Variants in ERCC4 observed in about 807,000 individuals in gnomAD.
The protein encoded by ERCC4 is DNA repair endonuclease XPF.
ERCC4 carries 65 observed loss-of-function variants against 76.9 expected under a neutral mutation model. The ratio of observed to expected loss-of-function variants is 0.84; its 90% CI spans 0.69 to 1.04. The LOEUF (loss-of-function observed/expected upper bound fraction) is 1.04. ERCC4 is among the 50% of genes least tolerant of loss of function. The pLI is 0.00. For synonymous variants in ERCC4, 463 were observed against 410.1 expected, an observed-to-expected ratio of 1.13 and a Z score of -1.56; for missense variants, 1,214 against 1,128.2, an observed-to-expected ratio of 1.08 and a Z score of -1.09.
Position 13,935,278 on chromosome 16 carries a change from T to A in ERCC4, c.1346T>A (p.Val449Asp). The A allele has an allele frequency of 6.2e-7, 1 of 1,613,938 alleles. No individual in the cohort carries two copies. Among genetic ancestry groups the A allele is most frequent in the South Asian group, 1.1e-5 (1 of 91,072 alleles). The change falls in exon 8 of 11, where the codon GTC (valine) becomes GAC (aspartate). Residue 449 changes from valine to aspartate, a missense_variant. By Grantham distance (152) the Val-to-Asp change is radical. Transcript: ENST00000311895. Reference protein sequence around the residue: ...TFEKDSKAEEVWMKFRKEDSS... With the variant: ...TFEKDSKAEEDWMKFRKEDSS... Reference sequence around the variant, plus strand: ...GAGAAGGATAGCAAAGCTGAAGAAGTCTGGATGAAATTTAGGAAGGAAGAC... The same window carrying A: ...GAGAAGGATAGCAAAGCTGAAGAAGACTGGATGAAATTTAGGAAGGAAGAC...
At chr16:13,932,464 A>G (rs549692689) in intron 6 of ERCC4, 179 bp downstream of exon 6, 32 of 637,000 alleles carry the variant, frequency 5.0e-5, no homozygotes, top group East Asian at 4.3e-4. Context: ...TGTAAAGTAT[A>G]TGTGTAATGT....
Position 13,947,600 on chromosome 16 carries a change from C to G in ERCC4, c.2018-14C>G, listed in dbSNP as rs775219852. 1 of 1,614,056 alleles carries G rather than the reference C, an allele frequency of 6.2e-7. No individual in the cohort carries two copies. Among genetic ancestry groups the G allele is most frequent in the Non-Finnish European group, 8.5e-7 (1 of 1,179,940 alleles). On this transcript the variant is annotated splice_polypyrimidine_tract_variant and intron_variant, in intron 10 of 10. Transcript: ENST00000311895. ...AGTTCTTCCCCAGTGACATTACTTA[C>G]TTTTTCTCTGTAGGTGGCCAGGAAC...
At chr16:13,940,917 G>A (rs2032401202) in intron 9 of ERCC4, among the ~76,000 whole-genome samples, 1 of 152,172 alleles carries the variant, frequency 6.6e-6, no homozygotes, top group Admixed American at 6.5e-5. Context: ...AGAGCCAGAG[G>A]AGCCTGATAG....
Position 13,932,137 on chromosome 16 carries a change from C to G in ERCC4, c.974-20C>G, listed in dbSNP as rs1567245864. ...TAACCATAAATTGATGGCACTTTTTCTTTTAACTTTTCGTATTAGGTTGGC... is the reference window on the plus strand; with the variant it reads ...TAACCATAAATTGATGGCACTTTTTGTTTTAACTTTTCGTATTAGGTTGGC... On this transcript the variant is annotated intron_variant, in intron 5 of 10. Coordinates refer to ENST00000311895, the MANE Select transcript of ERCC4 (RefSeq NM_005236.3). 3.1e-6 allele frequency: 5 copies of G among 1,609,218 alleles called. No homozygotes were observed.
intron 2 of ERCC4, among the ~76,000 whole-genome samples, chr16:13,922,847 A>G (rs1596618626): frequency 6.6e-6 from 1 of 152,352 alleles, no homozygotes; most frequent in South Asian, 2.1e-4. Context: ...TGCTCAGTAA[A>G]TATCTGTGAC....
chr16:13,935,482 A>G lies in ERCC4; in HGVS notation c.1550A>G (p.Glu517Gly). The G allele has an allele frequency of 1.2e-6, 2 of 1,614,218 alleles. No homozygotes were observed. The highest frequency in any genetic ancestry group is 1.7e-6 in the Non-Finnish European group (2 of 1,180,036). The change falls in exon 8 of 11, where the codon GAA becomes GGA. Residue 517 changes from glutamate (E) to glycine (G), a missense_variant. By Grantham distance (98) the Glu-to-Gly change is moderately conservative (BLOSUM62 -2). Coordinates refer to ENST00000311895, the MANE Select transcript of ERCC4 (RefSeq NM_005236.3). ...GATGTCGAGGAAGGATATCGTCGAG[A>G]AATAAGCAGTAGCCCAGAAAGCTGC... ...EGDVEEGYRREISSSPESCPE... is the reference protein window; with the variant it reads ...EGDVEEGYRRGISSSPESCPE...
chr16:13,945,868 G>T (rs935758755), intron 10 of ERCC4, among the ~76,000 whole-genome samples: 2 of 152,166 alleles, frequency 1.3e-5, no homozygotes, highest in Non-Finnish European at 1.5e-5. Flanking sequence ...AGTTCTCCAC[G>T]CCTTCATATT....
chr16:13,935,764 G>C, intron 8 of ERCC4, 21 bp downstream of exon 8: 1 of 1,517,864 alleles, frequency 6.6e-7, no homozygotes, highest in Non-Finnish European at 9.2e-7. Context: ...AAGAATCACA[G>C]CTTTCAGTTG....
chr16:13,944,418 T>A (rs1052179828), intron 9 of ERCC4, among the ~76,000 whole-genome samples: 32 of 152,198 alleles, frequency 2.1e-4, no homozygotes, highest in Non-Finnish European at 3.5e-4. Flanking sequence ...ACATGTGGCA[T>A]TTTTTGACAT....
intron 5 of ERCC4, chr16:13,931,265 G>A (rs1037041256): frequency 8.3e-6 from 2 of 240,290 alleles, no homozygotes; most frequent in Admixed American, 5.0e-5. Flanking sequence ...ATCAGCTAGA[G>A]TGCCAAAGAC....
intron 4 of ERCC4, among the ~76,000 whole-genome samples, chr16:13,929,339 A>G (rs2032128696): frequency 1.3e-5 from 2 of 152,214 alleles, no homozygotes; most frequent in African/African-American, 4.8e-5. Flanking sequence ...CAGTTTGTTC[A>G]GGATAGTCCC....
At position 13,935,247 on chromosome 16, in the gene ERCC4, A is replaced by C. The variant is rs1377101758; in HGVS notation, c.1315A>C (p.Thr439Pro). 6.2e-7 allele frequency: 1 copy of C among 1,614,078 alleles called. No individual in the cohort carries two copies. Residue 439 changes from threonine to proline, a missense_variant, in exon 8 of 11, where the codon ACC becomes CCC. By Grantham distance (38) the Thr-to-Pro change is conservative. Coordinates refer to ENST00000311895, the MANE Select transcript of ERCC4 (RefSeq NM_005236.3). ...EAFLLRLYRK[T>P]FEKDSKAEEV... ...CTTCTTATTGAGGCTCTACAGGAAA[A>C]CCTTTGAGAAGGATAGCAAAGCTGA...
In ERCC4 at chr16:13,951,760, G is replaced by A. The variant is rs886330384; in HGVS notation, c.*3413G>A. ...GAAGAAGTGGGGCAGGGGGAAAGAGGCATTACTGGTCTTTCCTTTTGTTTT... is the reference window on the plus strand; with the variant it reads ...GAAGAAGTGGGGCAGGGGGAAAGAGACATTACTGGTCTTTCCTTTTGTTTT... On this transcript the variant is annotated 3_prime_UTR_variant, in exon 11 of 11. Transcript: ENST00000311895. 4.5e-6 allele frequency: 1 copy of A among 222,272 alleles called. No individual in the cohort carries two copies. Among genetic ancestry groups the A allele is most frequent in the Non-Finnish European group, 9.0e-6 (1 of 111,246 alleles). 13.8% of individuals were successfully genotyped at this position (222,272 alleles called of 1,614,324 possible). A position where few individuals can be genotyped will look rare whatever the true frequency, so the allele number is the denominator to read the frequency against.
intron 4 of ERCC4, 90 bp from the exon 5 acceptor site, chr16:13,930,620 C>T (rs1301410589): frequency 1.0e-6 from 1 of 971,136 alleles, no homozygotes; most frequent in East Asian, 2.6e-5. Flanking sequence ...TTTAGATACA[C>T]AGGAAATAAT....
intron 9 of ERCC4, among the ~76,000 whole-genome samples, chr16:13,940,386 C>CA (rs560268729): frequency 0.084 from 10,697 of 126,752 alleles, 420 homozygotes; most frequent in African/African-American, 0.12. Flanking sequence ...ACCCCCGTCT[C>CA]AAAAAAAAAA....
intron 7 of ERCC4, chr16:13,934,914 C>A: frequency 2.1e-6 from 1 of 469,522 alleles, no homozygotes; most frequent in East Asian, 3.2e-5. Context: ...GTTGTACTTT[C>A]ATAAGATTAA....
rs56012340 is a variant in ERCC4, at chr16:13,950,924, C to A, written c.*2577C>A. On this transcript the variant is annotated 3_prime_UTR_variant, in exon 11 of 11. Transcript: ENST00000311895. The stretch of plus-strand genomic sequence containing the variant: ...AAATTGCACTAATACCAGTGCCCCC[C>A]TGGCTCTCCAAATCTGTTCTTTGCT... 46,909 of 195,684 alleles carry A rather than the reference C, an allele frequency of 0.24. 5,987 individuals are homozygous for A. The highest frequency in any genetic ancestry group is 0.32 in the Middle Eastern group (174 of 550). The allele number at this position is 195,684 out of a possible 1,614,324, so 12.1% of individuals were successfully genotyped here. A position where few individuals can be genotyped will look rare whatever the true frequency, so the allele number is the denominator to read the frequency against.
In ERCC4 at chr16:13,920,246, C is replaced by T. The variant is rs1389032539; in HGVS notation, c.81C>T (p.Leu27=). The change falls in exon 1 of 11, where the codon CTC becomes CTT. Residue 27 remains leucine, a synonymous_variant. Transcript: ENST00000311895. ...AGCGACAGCTGGTGCTGGAACTGCT[C>T]GACACTGACGGGCTAGTAGTGTGCG... is the stretch of plus-strand genomic sequence containing the variant. ...EYERQLVLEL[L]DTDGLVVCAR... 1.2e-6 allele frequency: 2 copies of T among 1,607,752 alleles called. No individual in the cohort carries two copies. Among genetic ancestry groups the T allele is most frequent in the Non-Finnish European group, 1.7e-6 (2 of 1,179,952 alleles).
intron 8 of ERCC4, among the ~76,000 whole-genome samples, chr16:13,937,248 T>C (rs2032318471): frequency 6.6e-6 from 1 of 152,076 alleles, no homozygotes; most frequent in South Asian, 2.1e-4. Context: ...AGAAAGTAGA[T>C]CAAATTATTC....
Sources: allele counts gnomAD v4.1 joint callset (sites outside exome capture counted in the v4.1 genomes callset), GRCh38; gene constraint gnomAD v4.1.1; transcripts MANE v1.5; gene names NCBI Gene and HGNC (gene_info 2026-07-23, HGNC 2026-07-21).